Variants in TMEM132D observed in about 807,000 individuals in gnomAD.
TMEM132D encodes the protein transmembrane protein 132D.
TMEM132D carries 21 observed loss-of-function variants against 62.3 expected under a neutral mutation model. That is an observed-to-expected ratio of 0.34 (90% confidence interval 0.24 to 0.49). The LOEUF (loss-of-function observed/expected upper bound fraction) is 0.49. Ranked by LOEUF, TMEM132D falls within the 20% of genes least tolerant of loss-of-function variation. TMEM132D has a pLI of 0.99. For synonymous variants in TMEM132D, 621 were observed against 575.6 expected (o/e 1.08, Z -1.13); for missense variants, 1,346 against 1,402.8 (o/e 0.96, Z 0.65).
chr12:129,786,646 T>A (rs749353927), intron 1 of TMEM132D, among the ~76,000 whole-genome samples: 1 of 152,146 alleles, frequency 6.6e-6, no homozygotes, highest in Non-Finnish European at 1.5e-5. Flanking sequence ...ACCCCAGCAC[T>A]CTGGGAGGCC....
At chr12:129,303,611 C>G (rs1257404566) in intron 4 of TMEM132D, among the ~76,000 whole-genome samples, 8 of 151,520 alleles carry the variant, frequency 5.3e-5, no homozygotes, top group African/African-American at 1.7e-4. Context: ...CATCATCACT[C>G]GCCGGGACTC....
At chr12:129,505,983 T>G (rs1430873329) in intron 3 of TMEM132D, among the ~76,000 whole-genome samples, 1 of 152,198 alleles carries the variant, frequency 6.6e-6, no homozygotes, top group Admixed American at 6.5e-5. Flanking sequence ...ACTCTGTGAG[T>G]CTGTATCTTT....
At chr12:129,637,047 T>C (rs1483186442) in intron 2 of TMEM132D, among the ~76,000 whole-genome samples, 1 of 152,192 alleles carries the variant, frequency 6.6e-6, no homozygotes, top group African/African-American at 2.4e-5. Context: ...ATTGGAAATA[T>C]GCATGCTAAA....
In TMEM132D at chr12:129,126,909, C is replaced by T. The variant is rs1225705111; in HGVS notation, c.1444-42207G>A. Among the ~76,000 whole-genome samples, 4 of 152,304 alleles carry T rather than the reference C, an allele frequency of 2.6e-5. No individual in the cohort carries two copies. In the East Asian group the frequency reaches 7.7e-4, roughly 29 times the overall value. Reference sequence around the variant, plus strand: ...GCTCTGACACTGGCACGCTGAGATGCCCAGAGGGGTAAAGAGCAGCACGTC... The same window carrying T: ...GCTCTGACACTGGCACGCTGAGATGTCCAGAGGGGTAAAGAGCAGCACGTC... On this transcript the variant is annotated intron_variant, in intron 5 of 8. Transcript: ENST00000422113.
intron 4 of TMEM132D, among the ~76,000 whole-genome samples, chr12:129,282,511 T>C (rs1020871879): frequency 3.9e-5 from 6 of 152,138 alleles, no homozygotes; most frequent in Non-Finnish European, 7.4e-5. Flanking sequence ...CCGGGCTGAC[T>C]AAAAACCGAA....
intron 5 of TMEM132D, among the ~76,000 whole-genome samples, chr12:129,159,467 AG>A (rs1226077383): frequency 6.6e-6 from 1 of 152,196 alleles, no homozygotes; most frequent in African/African-American, 2.4e-5. Context: ...AATAGAAAAG[AG>A]AAAACTGACC....
intron 4 of TMEM132D, among the ~76,000 whole-genome samples, chr12:129,218,539 T>C (rs1335426391): frequency 6.6e-6 from 1 of 152,146 alleles, no homozygotes; most frequent in Non-Finnish European, 1.5e-5. Context: ...AAACTGAGAA[T>C]AAAAATACAG....
At chr12:129,749,981 T>C (rs1201345042) in intron 1 of TMEM132D, among the ~76,000 whole-genome samples, 1 of 152,050 alleles carries the variant, frequency 6.6e-6, no homozygotes, top group African/African-American at 2.4e-5. Flanking sequence ...TTGAAGGGAG[T>C]GGGAGAAGAT....
rs539288028 is a variant in TMEM132D at position 129,670,169 on chromosome 12, A to G, written c.968+29641T>C. Among the ~76,000 whole-genome samples the G allele has an allele frequency of 2.0e-5, 3 of 152,282 alleles. No homozygotes were observed. The East Asian group carries it at 5.8e-4, about 29-fold the overall frequency. The stretch of plus-strand genomic sequence containing the variant: ...CGACTCCACCTTGCTTCTAACCTCC[A>G]AGCTGTCCTTGTTCATTCCTGGGCT... On this transcript the variant is annotated intron_variant, in intron 2 of 8. Coordinates refer to ENST00000422113, the MANE Select transcript of TMEM132D (RefSeq NM_133448.3).
chr12:129,470,985 AATGGG>A (rs1488389989), intron 3 of TMEM132D, among the ~76,000 whole-genome samples: 1 of 152,126 alleles, frequency 6.6e-6, no homozygotes, highest in East Asian at 1.9e-4. Flanking sequence ...AGATAGAGAA[AATGGG>A]TGCATGAGCA....
intron 1 of TMEM132D, among the ~76,000 whole-genome samples, chr12:129,723,398 C>CA (rs1341428816): frequency 6.6e-6 from 1 of 152,216 alleles, no homozygotes; most frequent in Admixed American, 6.5e-5. Context: ...CCCTGCTCTG[C>CA]ACCCAGGAAG....
rs1880062236 is a variant in TMEM132D at position 129,655,974 on chromosome 12, A to G, written c.968+43836T>C. Among the ~76,000 whole-genome samples, 4 of 152,274 alleles carry G rather than the reference A, an allele frequency of 2.6e-5. No individual in the cohort carries two copies. The South Asian group carries it at 8.3e-4, about 32-fold the overall frequency. On this transcript the variant is annotated intron_variant, in intron 2 of 8. Transcript: ENST00000422113. ...TTCTCTTTCGGTTCCTCTCAAGGCTACTTCCAGGCGTCAACGTTACTAGAG... is the reference window on the plus strand; with the variant it reads ...TTCTCTTTCGGTTCCTCTCAAGGCTGCTTCCAGGCGTCAACGTTACTAGAG...
At chr12:129,406,606 C>A (rs576264353) in intron 3 of TMEM132D, among the ~76,000 whole-genome samples, 26 of 146,424 alleles carry the variant, frequency 1.8e-4, no homozygotes, top group Non-Finnish European at 5.9e-5. Context: ...GGCAACAGAG[C>A]GAGACTCCAC....
intron 3 of TMEM132D, among the ~76,000 whole-genome samples, chr12:129,510,886 T>C (rs1257272595): frequency 1.3e-5 from 2 of 152,214 alleles, no homozygotes; most frequent in Admixed American, 1.3e-4. Flanking sequence ...TCAGGTTCTC[T>C]ATTCTGTTCC....
chr12:129,432,426 T>C (rs889576999), intron 3 of TMEM132D, among the ~76,000 whole-genome samples: 1 of 152,188 alleles, frequency 6.6e-6, no homozygotes, highest in Non-Finnish European at 1.5e-5. Flanking sequence ...GGGTTTTTGT[T>C]TGTGTTTTGT....
intron 4 of TMEM132D, among the ~76,000 whole-genome samples, chr12:129,236,092 TATG>T (rs1212190615): frequency 1.3e-5 from 2 of 149,896 alleles, no homozygotes; most frequent in Admixed American, 6.7e-5. Context: ...ATAATTTTAT[TATG>T]ATGCTATTTT....
chr12:129,168,934 CCA>C (rs1225141204), intron 5 of TMEM132D, among the ~76,000 whole-genome samples: 4 of 152,266 alleles, frequency 2.6e-5, no homozygotes, highest in African/African-American at 7.2e-5. Context: ...TCCTGAAATC[CCA>C]CAGTTAGCTA....
chr12:129,493,831 G>T (rs554584019), intron 3 of TMEM132D, among the ~76,000 whole-genome samples: 1 of 152,218 alleles, frequency 6.6e-6, no homozygotes, highest in Non-Finnish European at 1.5e-5. Context: ...CTGCTCTGTT[G>T]ACATGTTTGG....
intron 1 of TMEM132D, among the ~76,000 whole-genome samples, chr12:129,782,931 T>C (rs772638825): frequency 2.2e-4 from 34 of 152,376 alleles, no homozygotes; most frequent in Non-Finnish European, 3.5e-4. Flanking sequence ...CTCTGTGATA[T>C]GGCTCAATTC....
Sources: allele counts gnomAD v4.1 joint callset (sites outside exome capture counted in the v4.1 genomes callset), GRCh38; gene constraint gnomAD v4.1.1; transcripts MANE v1.5; gene names NCBI Gene and HGNC (gene_info 2026-07-23, HGNC 2026-07-21).